Variants in ARSG observed in about 807,000 individuals in gnomAD.
ARSG encodes the protein arylsulfatase G.
Under a neutral mutation model 50.5 loss-of-function variants are expected in ARSG, and 37 were observed. The observed-to-expected ratio is 0.73, with a 90% confidence interval of 0.56 to 0.96. The LOEUF is 0.96. Ranked by LOEUF, ARSG falls within the 50% of genes least tolerant of loss-of-function variation. ARSG has a pLI of 0.00. For synonymous variants in ARSG, 225 were observed against 254.6 expected, an observed-to-expected ratio of 0.88 and a Z score of 1.11; for missense variants, 629 against 675.3, an observed-to-expected ratio of 0.93 and a Z score of 0.76.
the ARSG span, among the ~76,000 whole-genome samples, chr17:68,451,064 C>A: frequency 1.3e-5 from 2 of 152,250 alleles, no homozygotes; most frequent in African/African-American, 2.4e-5. Context: ...CCATGCCCCC[C>A]ACCCTGCCAG....
chr17:68,325,874 G>T (rs1425384216), intron 2 of ARSG, among the ~76,000 whole-genome samples: 1 of 152,188 alleles, frequency 6.6e-6, no homozygotes, highest in African/African-American at 2.4e-5. Flanking sequence ...TTGGCTCATG[G>T]GTCATGGGCC....
At chr17:68,397,869 C>T (rs1008828378) in intron 10 of ARSG, among the ~76,000 whole-genome samples, 10 of 152,116 alleles carry the variant, frequency 6.6e-5, no homozygotes, top group Non-Finnish European at 8.8e-5. Flanking sequence ...TGGGTTCAAG[C>T]GATTCTCCTG....
intron 6 of ARSG, 86 bp downstream of exon 6, chr17:68,356,890 T>C: frequency 1.3e-6 from 2 of 1,531,538 alleles, no homozygotes; most frequent in Non-Finnish European, 1.8e-6. Flanking sequence ...CTCAGCACGC[T>C]TGAGGCCATG....
At chr17:68,269,691 T>TTTTTTTTTTTA (rs57001011) in intron 1 of ARSG, among the ~76,000 whole-genome samples, 3 of 148,912 alleles carry the variant, frequency 2.0e-5, no homozygotes, top group Non-Finnish European at 3.0e-5. Flanking sequence ...TTTTTTTTTT[T>TTTTTTTTTTTA]AGACAGAGTT....
chr17:68,372,000 G>A (rs747444999), intron 8 of ARSG, among the ~76,000 whole-genome samples: 27 of 152,144 alleles, frequency 1.8e-4, no homozygotes, highest in Non-Finnish European at 3.7e-4. Context: ...TCTGGGCAGC[G>A]GAGGGAGAGT....
At chr17:68,440,620 T>G in the ARSG span, 1 of 152,210 alleles carries the variant, frequency 6.6e-6, no homozygotes, top group Non-Finnish European at 1.5e-5. Context: ...CTTTTGGATG[T>G]GTTATAGCTT....
At chr17:68,408,321 G>A (rs1370262164) in intron 11 of ARSG, among the ~76,000 whole-genome samples, 1 of 127,502 alleles carries the variant, frequency 7.8e-6, no homozygotes, top group African/African-American at 3.1e-5. Context: ...TCCCCTTCCT[G>A]TGTCCATGTG....
intron 2 of ARSG, among the ~76,000 whole-genome samples, chr17:68,336,463 G>A (rs1417689380): frequency 6.6e-6 from 1 of 152,086 alleles, no homozygotes; most frequent in Non-Finnish European, 1.5e-5. Context: ...ACCCACCTTG[G>A]CCTCCCAAAA....
intron 11 of ARSG, among the ~76,000 whole-genome samples, chr17:68,403,718 T>C (rs1387903967): frequency 3.3e-5 from 5 of 152,208 alleles, no homozygotes; most frequent in Non-Finnish European, 7.3e-5. Flanking sequence ...TCTTTTTTTT[T>C]ATTATTATAC....
At chr17:68,448,787 CTT>C in the ARSG span, among the ~76,000 whole-genome samples, 2 of 152,222 alleles carry the variant, frequency 1.3e-5, no homozygotes, top group African/African-American at 4.8e-5. Context: ...AGCAGCGAAA[CTT>C]AATCTGCTAC....
intron 1 of ARSG, among the ~76,000 whole-genome samples, chr17:68,266,060 G>C (rs1410972608): frequency 6.6e-6 from 1 of 152,140 alleles, no homozygotes. Context: ...GAATGACTCT[G>C]TAACTGGTTG....
chr17:68,435,123 C>A, the ARSG span, among the ~76,000 whole-genome samples: 1 of 151,462 alleles, frequency 6.6e-6, no homozygotes, highest in African/African-American at 2.4e-5. Flanking sequence ...AGGAGAATCA[C>A]TTAAACCTGG....
intron 11 of ARSG, among the ~76,000 whole-genome samples, chr17:68,408,025 T>TA (rs929354773): frequency 2.0e-5 from 3 of 151,488 alleles, no homozygotes; most frequent in Non-Finnish European, 4.4e-5. Context: ...TTTTTTTTTT[T>TA]ATTGGTGCAA....
At chr17:68,437,948 T>TAAAAAAAAAAAAAG in the ARSG span, among the ~76,000 whole-genome samples, 1 of 78,806 alleles carries the variant, frequency 1.3e-5, no homozygotes, top group African/African-American at 4.8e-5. Context: ...ACATCTCTCT[T>TAAAAAAAAAAAAAG]AAAAAAAAAA....
chr17:68,400,880 C>G (rs2081442350), intron 10 of ARSG, among the ~76,000 whole-genome samples: 1 of 152,176 alleles, frequency 6.6e-6, no homozygotes, highest in East Asian at 1.9e-4. Context: ...AAAATAACAA[C>G]TTCACAGGCT....
intron 2 of ARSG, among the ~76,000 whole-genome samples, chr17:68,342,309 G>A (rs1175818406): frequency 1.3e-5 from 2 of 150,164 alleles, no homozygotes; most frequent in African/African-American, 2.4e-5. Context: ...GCTGTGTAAA[G>A]ATACCTTATT....
chr17:68,323,934 G>A (rs781962825), intron 2 of ARSG, among the ~76,000 whole-genome samples: 10 of 152,038 alleles, frequency 6.6e-5, no homozygotes, highest in Admixed American at 6.6e-5. Flanking sequence ...TTAGCCAGGT[G>A]TGGTGGCGGG....
At chr17:68,277,170 C>T (rs373933565) in intron 1 of ARSG, among the ~76,000 whole-genome samples, 8 of 151,970 alleles carry the variant, frequency 5.3e-5, no homozygotes, top group African/African-American at 7.2e-5. Flanking sequence ...CTCACACTGT[C>T]GCCCAGGCTG....
the ARSG span, among the ~76,000 whole-genome samples, chr17:68,447,317 G>C: frequency 6.6e-6 from 1 of 152,180 alleles, no homozygotes; most frequent in African/African-American, 2.4e-5. Context: ...CAATACAAGA[G>C]AAATAACATT....
Sources: allele counts gnomAD v4.1 joint callset (sites outside exome capture counted in the v4.1 genomes callset), GRCh38; gene constraint gnomAD v4.1.1; transcripts MANE v1.5; gene names NCBI Gene and HGNC (gene_info 2026-07-23, HGNC 2026-07-21).